RASAL2: variants seen among roughly 807,000 people sequenced by gnomAD.
The protein encoded by RASAL2 is ras GTPase-activating protein nGAP.
In RASAL2, 58 loss-of-function variants were observed where a neutral mutation model predicts 128.9. That is an observed-to-expected ratio of 0.45 (90% CI 0.36 to 0.56). The LOEUF (loss-of-function observed/expected upper bound fraction) is 0.56, where lower values mean the gene tolerates loss of function less well. Ranked by LOEUF, RASAL2 falls within the 20% of genes least tolerant of loss-of-function variation. The pLI, the probability that RASAL2 is intolerant of heterozygous loss-of-function variation, is 0.00. For missense variants in RASAL2, 1,360 were observed against 1,601.6 expected, an observed-to-expected ratio of 0.85 and a Z score of 2.57; for synonymous variants, 561 against 580.8, an observed-to-expected ratio of 0.97 and a Z score of 0.49.
chr1:178,396,188 T>C (rs1328798361), intron 4 of RASAL2, among the ~76,000 whole-genome samples: 1 of 152,140 alleles, frequency 6.6e-6, no homozygotes, highest in African/African-American at 2.4e-5. Flanking sequence ...CAATCTGTGG[T>C]AATTCCTAGA....
intron 1 of RASAL2, among the ~76,000 whole-genome samples, chr1:178,259,124 T>C (rs1411810189): frequency 1.9e-4 from 3 of 15,694 alleles, no homozygotes; most frequent in Non-Finnish European, 4.6e-4. Flanking sequence ...TGAAACTTCT[T>C]TTTTTTTTTT....
In RASAL2 at chr1:178,356,498, T is replaced by G. The variant is rs889837453; in HGVS notation, c.458-33602T>G. ...GAGTTTTAAAAAAGTGACATCATCATGTAGTAAAATGAACAAACTACAGTG... is the reference window on the plus strand; with the variant it reads ...GAGTTTTAAAAAAGTGACATCATCAGGTAGTAAAATGAACAAACTACAGTG... On this transcript the variant is annotated intron_variant, in intron 3 of 17. Transcript: ENST00000367649. 3.9e-5 allele frequency among the ~76,000 whole-genome samples: 6 copies of G among 152,166 alleles called. No individual in the cohort carries two copies. In the East Asian group the frequency reaches 1.2e-3, roughly 29 times the overall value.
intron 5 of RASAL2, among the ~76,000 whole-genome samples, chr1:178,433,167 C>CT (rs1480227320): frequency 2.6e-5 from 4 of 152,116 alleles, no homozygotes; most frequent in Non-Finnish European, 4.4e-5. Context: ...ACACCACAGC[C>CT]TTGCATACTG....
chr1:178,130,936 C>T (rs1660083069), intron 1 of RASAL2, among the ~76,000 whole-genome samples: 1 of 151,914 alleles, frequency 6.6e-6, no homozygotes, highest in African/African-American at 2.4e-5. Flanking sequence ...TGCCTGTAGT[C>T]CCAGCTACTC....
chr1:178,128,506 C>A (rs1387746825), intron 1 of RASAL2, among the ~76,000 whole-genome samples: 4 of 152,210 alleles, frequency 2.6e-5, no homozygotes, highest in Admixed American at 2.6e-4. Flanking sequence ...AACAATAATA[C>A]TCTGTACATC....
At chr1:178,376,570 A>G (rs1206346135) in intron 3 of RASAL2, among the ~76,000 whole-genome samples, 1 of 152,138 alleles carries the variant, frequency 6.6e-6, no homozygotes, top group African/African-American at 2.4e-5. Context: ...CAGGAACCAA[A>G]TATACATGCC....
At position 178,454,498 on chromosome 1, in the gene RASAL2, T is replaced by C; in HGVS notation, c.2061T>C (p.His687=). The C allele has an allele frequency of 6.2e-7, 1 of 1,613,680 alleles. No homozygotes were observed. Among genetic ancestry groups the C allele is most frequent in the Non-Finnish European group, 8.5e-7 (1 of 1,179,630 alleles). ...YMAFMNDFLE[H]EWGGMKRFLL... The stretch of plus-strand genomic sequence containing the variant: ...CATTCATGAATGATTTTTTAGAACA[T>C]GAATGGGGTGGAATGAAGCGCTTTC... The change falls in exon 12 of 18, where the codon CAT becomes CAC. Residue 687 remains histidine (H), a synonymous_variant. Coordinates refer to ENST00000367649, the MANE Select transcript of RASAL2 (RefSeq NM_170692.4).
chr1:178,382,020 CT>C (rs1672312790), intron 3 of RASAL2, among the ~76,000 whole-genome samples: 1 of 152,052 alleles, frequency 6.6e-6, no homozygotes, highest in Non-Finnish European at 1.5e-5. Context: ...CTGAACAATG[CT>C]TTGTTGTTTA....
At chr1:178,104,616 A>G (rs533665864) in intron 1 of RASAL2, among the ~76,000 whole-genome samples, 4 of 152,274 alleles carry the variant, frequency 2.6e-5, no homozygotes, top group Non-Finnish European at 5.9e-5. Flanking sequence ...TCCTGCCTCT[A>G]GTATGTGAAA....
At chr1:178,205,740 G>T (rs1663021151) in intron 1 of RASAL2, among the ~76,000 whole-genome samples, 1 of 152,060 alleles carries the variant, frequency 6.6e-6, no homozygotes, top group Non-Finnish European at 1.5e-5. Context: ...CTGGGCGACA[G>T]AGCGAGACTC....
chr1:178,288,024 A>G (rs140411681), intron 2 of RASAL2, among the ~76,000 whole-genome samples: 8 of 152,324 alleles, frequency 5.3e-5, no homozygotes, highest in Admixed American at 1.3e-4. Context: ...CCAAATTTTT[A>G]TTGGGTTTAA....
intron 4 of RASAL2, among the ~76,000 whole-genome samples, chr1:178,413,305 A>C (rs1572030562): frequency 6.6e-6 from 1 of 152,190 alleles, no homozygotes; most frequent in Non-Finnish European, 1.5e-5. Flanking sequence ...GAAACTAATC[A>C]GAGCCTAACT....
chr1:178,101,703 A>T (rs1658907061), intron 1 of RASAL2, among the ~76,000 whole-genome samples: 1 of 152,206 alleles, frequency 6.6e-6, no homozygotes, highest in Non-Finnish European at 1.5e-5. Context: ...TGGCTCAGGA[A>T]GTTTAGCTTA....
chr1:178,134,930 G>T lies in RASAL2; in HGVS notation c.202+40236G>T, dbSNP rs535791140. The stretch of plus-strand genomic sequence containing the variant: ...ATTTTGCTCGTTGACTTTTGGGAGG[G>T]CCAATGAATGCCAACATCTGCTTAT... On this transcript the variant is annotated intron_variant, in intron 1 of 17. Transcript: ENST00000367649. Among the ~76,000 whole-genome samples, 14 of 152,260 alleles carry T rather than the reference G, an allele frequency of 9.2e-5. No individual in the cohort carries two copies. In the East Asian group the frequency reaches 2.7e-3, roughly 29 times the overall value.
chr1:178,326,191 GA>G (rs1397035016), intron 3 of RASAL2, among the ~76,000 whole-genome samples: 1 of 152,118 alleles, frequency 6.6e-6, no homozygotes, highest in Admixed American at 6.6e-5. Flanking sequence ...TAATTTTGCA[GA>G]ATCTCATGTA....
intron 13 of RASAL2, among the ~76,000 whole-genome samples, chr1:178,457,416 A>G (rs990127822): frequency 2.6e-5 from 4 of 152,254 alleles, no homozygotes; most frequent in African/African-American, 9.6e-5. Flanking sequence ...AAACCTAACT[A>G]GGAAATTATT....
chr1:178,371,540 C>T (rs898749341), intron 3 of RASAL2, among the ~76,000 whole-genome samples: 6 of 151,840 alleles, frequency 4.0e-5, no homozygotes, highest in Non-Finnish European at 8.8e-5. Flanking sequence ...TCAGTGCAGT[C>T]GCCATGCGAG....
chr1:178,103,561 G>A (rs1486327231), intron 1 of RASAL2, among the ~76,000 whole-genome samples: 2 of 151,910 alleles, frequency 1.3e-5, no homozygotes, highest in Non-Finnish European at 2.9e-5. Flanking sequence ...AGGTAAAAAT[G>A]GTGTCTTAAT....
At chr1:178,183,199 G>C (rs138147706) in intron 1 of RASAL2, among the ~76,000 whole-genome samples, 1 of 152,046 alleles carries the variant, frequency 6.6e-6, no homozygotes, top group African/African-American at 2.4e-5. Flanking sequence ...TAGTTTCCAG[G>C]GTTACTTAGG....
Sources: allele counts gnomAD v4.1 joint callset (sites outside exome capture counted in the v4.1 genomes callset), GRCh38; gene constraint gnomAD v4.1.1; transcripts MANE v1.5; gene names NCBI Gene and HGNC (gene_info 2026-07-23, HGNC 2026-07-21).